GALNT13: variants seen among roughly 807,000 people sequenced by gnomAD.
The protein encoded by GALNT13 is polypeptide N-acetylgalactosaminyltransferase 13, also known as UDP-GalNAc:polypeptide N-acetylgalactosaminyltransferase 13.
A neutral mutation model predicts 64.2 loss-of-function variants in GALNT13; 28 were observed. The ratio of observed to expected loss-of-function variants is 0.44; its 90% confidence interval spans 0.32 to 0.60. The LOEUF (loss-of-function observed/expected upper bound fraction) is 0.60. Among genes scored for constraint, GALNT13 ranks in the 20% least tolerant of loss-of-function variants. GALNT13 has a pLI of 0.05. For synonymous variants in GALNT13, 214 were observed against 224.6 expected (o/e 0.95, Z 0.42); for missense variants, 577 against 669.8 (o/e 0.86, Z 1.53).
At chr2:153,379,902 A>G in the GALNT13 span, among the ~76,000 whole-genome samples, 1 of 152,192 alleles carries the variant, frequency 6.6e-6, no homozygotes, top group Admixed American at 6.5e-5. Flanking sequence ...CATAAAGAAT[A>G]TAAATCTAAG....
At chr2:153,834,859 T>A in the GALNT13 span, among the ~76,000 whole-genome samples, 63,258 of 151,846 alleles carry the variant, frequency 0.42, 14,173 homozygotes, top group Admixed American at 0.57. Flanking sequence ...TGTCTGTACC[T>A]AGAACATAGT....
At chr2:153,699,472 C>T in the GALNT13 span, among the ~76,000 whole-genome samples, 3 of 151,654 alleles carry the variant, frequency 2.0e-5, no homozygotes, top group African/African-American at 7.3e-5. Flanking sequence ...TAGCAGAAGA[C>T]AATAAATAAC....
At chr2:154,154,209 G>GT (rs1684260885) in intron 4 of GALNT13, among the ~76,000 whole-genome samples, 1 of 152,070 alleles carries the variant, frequency 6.6e-6, no homozygotes, top group Non-Finnish European at 1.5e-5. Flanking sequence ...AAATCTGATA[G>GT]TTTTTTCCAA....
At chr2:153,622,337 T>C in the GALNT13 span, among the ~76,000 whole-genome samples, 2 of 152,284 alleles carry the variant, frequency 1.3e-5, no homozygotes, top group African/African-American at 4.8e-5. Flanking sequence ...ATTAGTCATA[T>C]TCATTTGTAA....
chr2:154,132,986 T>C (rs1434407709), intron 3 of GALNT13, among the ~76,000 whole-genome samples: 2 of 152,164 alleles, frequency 1.3e-5, no homozygotes, highest in African/African-American at 4.8e-5. Flanking sequence ...TTGTGAGTCA[T>C]AAGTTACAAG....
At chr2:153,740,664 T>C in the GALNT13 span, among the ~76,000 whole-genome samples, 1 of 152,130 alleles carries the variant, frequency 6.6e-6, no homozygotes, top group Non-Finnish European at 1.5e-5. Context: ...TGGAGACTTA[T>C]GTCTGGTAAT....
the GALNT13 span, among the ~76,000 whole-genome samples, chr2:153,630,808 T>TATA: frequency 2.1e-3 from 36 of 16,964 alleles, no homozygotes; most frequent in Non-Finnish European, 2.7e-3. Flanking sequence ...TATATATATA[T>TATA]TTTTTTTTTT....
intron 4 of GALNT13, among the ~76,000 whole-genome samples, chr2:154,203,200 T>A (rs1340021483): frequency 6.6e-6 from 1 of 152,124 alleles, no homozygotes; most frequent in Non-Finnish European, 1.5e-5. Context: ...CAGTTAGCCA[T>A]TTTCGCCTTG....
intron 3 of GALNT13, among the ~76,000 whole-genome samples, chr2:153,957,572 G>A (rs2105083096): frequency 6.6e-6 from 1 of 152,276 alleles, no homozygotes; most frequent in East Asian, 1.9e-4. Flanking sequence ...GTTAGGACAT[G>A]CTTATTGCCA....
the GALNT13 span, among the ~76,000 whole-genome samples, chr2:153,685,339 C>T: frequency 4.3e-3 from 651 of 152,046 alleles, 4 homozygotes; most frequent in Middle Eastern, 0.02. Flanking sequence ...TATCTTTTGA[C>T]TTTTTAATAA....
intron 3 of GALNT13, among the ~76,000 whole-genome samples, chr2:154,057,247 T>G (rs192287775): frequency 2.0e-4 from 31 of 152,262 alleles, no homozygotes; most frequent in Admixed American, 5.2e-4. Context: ...GCCAGGATGG[T>G]CTTGATCTAC....
At chr2:154,265,638 G>T (rs1191336299) in intron 8 of GALNT13, among the ~76,000 whole-genome samples, 1 of 152,140 alleles carries the variant, frequency 6.6e-6, no homozygotes, top group Middle Eastern at 3.2e-3. Flanking sequence ...GGGAGAGGTT[G>T]CAGTGAGCCA....
the GALNT13 span, among the ~76,000 whole-genome samples, chr2:153,517,330 A>G: frequency 1.3e-5 from 2 of 152,174 alleles, no homozygotes; most frequent in African/African-American, 4.8e-5. Context: ...CAGGGGGTGA[A>G]ACTAATACGT....
rs145767658 is a variant in GALNT13 at position 154,343,489 on chromosome 2, T to G, written c.1156+41900T>G. ...AGGATGTGATCTCATAAGACTACTA[T>G]TATACAATAGAGTGCTAGAGCTTTT... On this transcript the variant is annotated intron_variant, in intron 9 of 12. Transcript: ENST00000392825. 4.3e-4 allele frequency among the ~76,000 whole-genome samples: 66 copies of G among 152,186 alleles called. No individual in the cohort carries two copies. In the East Asian group the frequency reaches 0.012, roughly 28 times the overall value.
the GALNT13 span, among the ~76,000 whole-genome samples, chr2:153,568,173 G>A: frequency 8.5e-5 from 13 of 152,268 alleles, no homozygotes; most frequent in Middle Eastern, 3.4e-3. Context: ...AAATGTTAAC[G>A]TATGAGGCCA....
At chr2:153,555,432 G>T in the GALNT13 span, among the ~76,000 whole-genome samples, 4 of 104,834 alleles carry the variant, frequency 3.8e-5, 1 homozygote, top group East Asian at 1.0e-3. Context: ...CTGACCTCGT[G>T]ATCCGCCCGC....
the GALNT13 span, among the ~76,000 whole-genome samples, chr2:153,521,442 C>G: frequency 6.6e-6 from 1 of 152,210 alleles, no homozygotes; most frequent in African/African-American, 2.4e-5. Context: ...AGAGATATCT[C>G]ATATATCCCT....
chr2:154,307,348 G>A (rs1157858923), intron 9 of GALNT13, among the ~76,000 whole-genome samples: 1 of 151,994 alleles, frequency 6.6e-6, no homozygotes, highest in Admixed American at 6.6e-5. Flanking sequence ...CCAAAATAAG[G>A]TTACTTTTAT....
At chr2:153,737,391 T>A in the GALNT13 span, among the ~76,000 whole-genome samples, 1 of 152,192 alleles carries the variant, frequency 6.6e-6, no homozygotes, top group Non-Finnish European at 1.5e-5. Flanking sequence ...TGTGGTTTTT[T>A]TTCAATGTTT....
Sources: allele counts gnomAD v4.1 joint callset (sites outside exome capture counted in the v4.1 genomes callset), GRCh38; gene constraint gnomAD v4.1.1; transcripts MANE v1.5; gene names NCBI Gene and HGNC (gene_info 2026-07-23, HGNC 2026-07-21).